The following COL19A1 variants were observed in gnomAD, a reference collection of about 807,000 sequenced individuals.
The protein encoded by COL19A1 is collagen alpha-1(XIX) chain.
Under a neutral mutation model 190.2 loss-of-function variants are expected in COL19A1, and 159 were observed. The observed-to-expected ratio is 0.84, with a 90% confidence interval of 0.73 to 0.95. The LOEUF is 0.95. Ranked by LOEUF, COL19A1 falls within the 40% of genes least tolerant of loss-of-function variation. COL19A1 has a pLI of 0.00. For missense variants in COL19A1, 1,418 were observed against 1,431.9 expected (o/e 0.99, Z 0.16); for synonymous variants, 509 against 458.9 (o/e 1.11, Z -1.39).
At chr6:70,045,195 C>T (rs1379157816) in intron 14 of COL19A1, among the ~76,000 whole-genome samples, 1 of 151,578 alleles carries the variant, frequency 6.6e-6, no homozygotes. Context: ...TGCCTGTAAC[C>T]CTAGCTACTT....
At chr6:70,060,390 C>A (rs981887689) in intron 14 of COL19A1, among the ~76,000 whole-genome samples, 6 of 152,080 alleles carry the variant, frequency 3.9e-5, no homozygotes, top group Non-Finnish European at 7.4e-5. Context: ...GGGTCCCCAA[C>A]CCCCGGGAAA....
chr6:69,984,230 A>G (rs1021758300), intron 11 of COL19A1, among the ~76,000 whole-genome samples: 1 of 152,150 alleles, frequency 6.6e-6, no homozygotes, highest in Admixed American at 6.5e-5. Context: ...TTCTGCAGTC[A>G]GTGTCTATTG....
intron 16 of COL19A1, among the ~76,000 whole-genome samples, chr6:70,103,942 A>T (rs1437727070): frequency 1.3e-5 from 2 of 152,156 alleles, no homozygotes; most frequent in Non-Finnish European, 2.9e-5. Flanking sequence ...TAGACGAAAA[A>T]ATTAAAACCA....
At chr6:70,174,080 A>G (rs1385720190) in intron 41 of COL19A1, among the ~76,000 whole-genome samples, 3 of 152,180 alleles carry the variant, frequency 2.0e-5, no homozygotes, top group Non-Finnish European at 4.4e-5. Flanking sequence ...GATGGAGTCT[A>G]CAAAAGTTGT....
rs368517746 is a variant in COL19A1, at chr6:70,008,940, C to T, written c.1027-14687C>T. Among the ~76,000 whole-genome samples the T allele has an allele frequency of 3.5e-4, 53 of 152,014 alleles. No homozygotes were observed. In the East Asian group the frequency reaches 7.0e-3, roughly 20 times the overall value. On this transcript the variant is annotated intron_variant, in intron 11 of 50. Coordinates refer to ENST00000620364, the MANE Select transcript of COL19A1 (RefSeq NM_001858.6). ...ACCAATATGATTACCTCAATGAATT[C>T]AGGACAAAATATTTTTTCAAAATTC...
At chr6:70,196,099 T>G (rs1211526089) in intron 48 of COL19A1, among the ~76,000 whole-genome samples, 1 of 152,158 alleles carries the variant, frequency 6.6e-6, no homozygotes, top group Non-Finnish European at 1.5e-5. Context: ...AACCACAAAA[T>G]AAATATGAAT....
chr6:70,099,801 A>G (rs1332501502), intron 15 of COL19A1, among the ~76,000 whole-genome samples: 1 of 152,198 alleles, frequency 6.6e-6, no homozygotes, highest in Non-Finnish European at 1.5e-5. Context: ...ACCCCCAAAA[A>G]TATTTTACCT....
chr6:70,124,990 C>G (rs189413310), intron 17 of COL19A1, among the ~76,000 whole-genome samples: 169 of 152,198 alleles, frequency 1.1e-3, no homozygotes, highest in Middle Eastern at 0.01. Flanking sequence ...CCACCTCCTC[C>G]TCACCCTCAG....
chr6:69,983,811 G>A (rs1776173480), intron 11 of COL19A1, among the ~76,000 whole-genome samples: 1 of 151,978 alleles, frequency 6.6e-6, no homozygotes, highest in Non-Finnish European at 1.5e-5. Flanking sequence ...AAATTCATTT[G>A]TTAAGAATGC....
intron 18 of COL19A1, among the ~76,000 whole-genome samples, chr6:70,137,160 A>G (rs1785921616): frequency 6.6e-6 from 1 of 152,172 alleles, no homozygotes; most frequent in Non-Finnish European, 1.5e-5. Flanking sequence ...CACATCTACA[A>G]GAATGCCTTA....
At chr6:70,081,098 G>A (rs75720088) in intron 15 of COL19A1, among the ~76,000 whole-genome samples, 6,487 of 152,180 alleles carry the variant, frequency 0.043, 443 homozygotes, top group African/African-American at 0.15. Flanking sequence ...TGCATGACCT[G>A]AGTGCGTCTA....
chr6:70,064,779 G>A (rs1305432185), intron 14 of COL19A1, among the ~76,000 whole-genome samples: 1 of 150,750 alleles, frequency 6.6e-6, no homozygotes, highest in Admixed American at 6.6e-5. Flanking sequence ...GATACAAAAT[G>A]TGCAAAAATC....
At chr6:69,950,674 CCACACACACACACACACACACACACA>C (rs56757599) in intron 9 of COL19A1, among the ~76,000 whole-genome samples, 1 of 136,142 alleles carries the variant, frequency 7.3e-6, no homozygotes, top group Non-Finnish European at 1.6e-5. Flanking sequence ...ATGAATGCAG[CCACACACACACACACACACACACACA>C]CACACACACA....
rs888892903 is a variant in COL19A1 at position 70,146,582 on chromosome 6, CAT to C, written c.1771-74_1771-73del. On this transcript the variant is annotated intron_variant, in intron 25 of 50. Transcript: ENST00000620364. ...TCAAGCAAGATGAAGAGTGATGAAA[CAT>C]ATTTTAGTTATAACTTCTAATGTGT... 4.6e-6 allele frequency: 5 copies of C among 1,081,812 alleles called. No individual in the cohort carries two copies. In the African/African-American group the frequency reaches 8.2e-5, roughly 18 times the overall value. The allele number at this position is 1,081,812 out of a possible 1,614,324, so 67.0% of individuals were successfully genotyped here. A position where few individuals can be genotyped will look rare whatever the true frequency, so the allele number is the denominator to read the frequency against.
intron 22 of COL19A1, among the ~76,000 whole-genome samples, chr6:70,142,331 T>C (rs1786310030): frequency 6.6e-6 from 1 of 152,076 alleles, no homozygotes; most frequent in Non-Finnish European, 1.5e-5. Context: ...GCCTTAAGAG[T>C]AAACAATGTG....
intron 12 of COL19A1, among the ~76,000 whole-genome samples, chr6:70,024,229 C>T (rs1778603571): frequency 1.3e-5 from 2 of 152,138 alleles, no homozygotes; most frequent in East Asian, 3.9e-4. Context: ...CCCAGAATTG[C>T]ACTCCAGATT....
At chr6:69,990,724 C>T (rs983328565) in intron 11 of COL19A1, among the ~76,000 whole-genome samples, 3 of 151,934 alleles carry the variant, frequency 2.0e-5, no homozygotes, top group Non-Finnish European at 4.4e-5. Flanking sequence ...AAGACTACTT[C>T]ATAAATTGTA....
At chr6:70,207,017 T>C in intron 50 of COL19A1, 39 bp downstream of exon 50, 1 of 1,609,066 alleles carries the variant, frequency 6.2e-7, no homozygotes, top group Non-Finnish European at 8.5e-7. Context: ...AGCAAGCCTT[T>C]ACAAATTAGA....
intron 4 of COL19A1, among the ~76,000 whole-genome samples, chr6:69,905,648 T>A (rs1198186051): frequency 2.0e-5 from 3 of 152,238 alleles, no homozygotes; most frequent in African/African-American, 7.2e-5. Context: ...AGAGGAGTTA[T>A]ACGCCTGTGC....
Sources: allele counts gnomAD v4.1 joint callset (sites outside exome capture counted in the v4.1 genomes callset), GRCh38; gene constraint gnomAD v4.1.1; transcripts MANE v1.5; gene names NCBI Gene and HGNC (gene_info 2026-07-23, HGNC 2026-07-21).